LARP4: variants seen among roughly 807,000 people sequenced by gnomAD.
The protein encoded by LARP4 is La ribonucleoprotein 4, also known as la-related protein 4.
A neutral mutation model predicts 92.9 loss-of-function variants in LARP4; 29 were observed. That is an observed-to-expected ratio of 0.31 (90% confidence interval 0.23 to 0.43). The LOEUF (loss-of-function observed/expected upper bound fraction) is 0.43, where lower values mean the gene tolerates loss of function less well. Ranked by LOEUF, LARP4 falls within the 20% of genes least tolerant of loss-of-function variation. The probability of loss-of-function intolerance (pLI) is 1.00; values close to 1 mark genes in which losing one functional copy is unlikely to be tolerated. For missense variants in LARP4, 732 were observed against 860.0 expected (o/e 0.85, Z 1.86); for synonymous variants, 279 against 284.1 (o/e 0.98, Z 0.18).
At chr12:50,413,378 C>G (rs1322095748) in intron 1 of LARP4, among the ~76,000 whole-genome samples, 2 of 152,120 alleles carry the variant, frequency 1.3e-5, no homozygotes, top group Non-Finnish European at 2.9e-5. Context: ...TGTGTGGATA[C>G]TATCATACAC....
intron 8 of LARP4, among the ~76,000 whole-genome samples, chr12:50,451,752 G>T (rs766041012): frequency 3.3e-5 from 5 of 151,734 alleles, no homozygotes; most frequent in Non-Finnish European, 7.4e-5. Context: ...CAGGATAATT[G>T]CTAGAACCTA....
intron 8 of LARP4, among the ~76,000 whole-genome samples, chr12:50,448,385 AAC>A (rs370382722): frequency 3.3e-5 from 5 of 152,018 alleles, no homozygotes; most frequent in Middle Eastern, 3.4e-3. Flanking sequence ...ACCCAATTTT[AAC>A]AGTTAGTAGA....
intron 3 of LARP4, 115 bp downstream of exon 3, chr12:50,429,205 A>T: frequency 1.4e-6 from 1 of 719,690 alleles, no homozygotes; most frequent in Non-Finnish European, 2.3e-6. Flanking sequence ...ATTTGAAAAG[A>T]AGGTTACGTT....
chr12:50,426,435 A>G (rs1057242960), intron 1 of LARP4, among the ~76,000 whole-genome samples: 1 of 152,188 alleles, frequency 6.6e-6, no homozygotes, highest in Non-Finnish European at 1.5e-5. Flanking sequence ...GCTTCAAATC[A>G]GTGGCTACCA....
At chr12:50,455,942 C>T (rs1481473703) in intron 10 of LARP4, among the ~76,000 whole-genome samples, 6 of 152,094 alleles carry the variant, frequency 3.9e-5, no homozygotes, top group African/African-American at 9.7e-5. Flanking sequence ...GTCCCAACTA[C>T]TCAGGAGGCT....
At chr12:50,435,005 G>A (rs181492276) in intron 4 of LARP4, among the ~76,000 whole-genome samples, 16 of 152,302 alleles carry the variant, frequency 1.1e-4, no homozygotes, top group Middle Eastern at 3.4e-3. Context: ...TCGAGTTTGC[G>A]CCACTGCGCT....
chr12:50,433,640 CTTTT>C (rs111833032), intron 4 of LARP4, among the ~76,000 whole-genome samples: 3 of 137,944 alleles, frequency 2.2e-5, no homozygotes, highest in Non-Finnish European at 1.6e-5. Context: ...TAAGGAATAT[CTTTT>C]TTTTTTTTTT....
intron 12 of LARP4, among the ~76,000 whole-genome samples, chr12:50,464,463 C>T (rs1955874310): frequency 6.6e-6 from 1 of 152,244 alleles, no homozygotes; most frequent in Non-Finnish European, 1.5e-5. Flanking sequence ...ACAATCTCAG[C>T]TCACTGCAAC....
chr12:50,437,450 T>G (rs536344083), intron 5 of LARP4, among the ~76,000 whole-genome samples: 48 of 152,194 alleles, frequency 3.2e-4, no homozygotes, highest in African/African-American at 1.2e-3. Flanking sequence ...AAATTTGCCT[T>G]ATTAGATATA....
intron 10 of LARP4, among the ~76,000 whole-genome samples, chr12:50,455,762 G>T (rs1954113091): frequency 6.6e-6 from 1 of 152,132 alleles, no homozygotes. Context: ...AGCAATTGAA[G>T]ATCATTTTCA....
intron 1 of LARP4, among the ~76,000 whole-genome samples, chr12:50,426,684 G>GCT (rs1555232613): frequency 1.2e-5 from 1 of 86,176 alleles, no homozygotes; most frequent in African/African-American, 5.0e-5. Flanking sequence ...TTATGTTTGG[G>GCT]GTGTGTGTGT....
chr12:50,463,086 G>A (rs1314123549), intron 12 of LARP4, among the ~76,000 whole-genome samples: 2 of 151,844 alleles, frequency 1.3e-5, no homozygotes, highest in African/African-American at 4.8e-5. Context: ...GAAGTGCAGT[G>A]GTACAATCAT....
chr12:50,469,833 C>T (rs954907282), intron 13 of LARP4, among the ~76,000 whole-genome samples: 1 of 151,852 alleles, frequency 6.6e-6, no homozygotes, highest in Admixed American at 6.6e-5. Context: ...CGCTTGAACC[C>T]GGGAGGTGGA....
chr12:50,401,223 T>A (rs1592660432), intron 1 of LARP4, 195 bp downstream of exon 1: 2 of 673,550 alleles, frequency 3.0e-6, no homozygotes, highest in Non-Finnish European at 5.3e-6. Context: ...CTATGGGAGG[T>A]GAGGCCCGTA....
chr12:50,430,766 T>G (rs1949533719), intron 4 of LARP4, among the ~76,000 whole-genome samples, 196 bp downstream of exon 4: 1 of 152,082 alleles, frequency 6.6e-6, no homozygotes, highest in South Asian at 2.1e-4. Flanking sequence ...GTTCAAGAGA[T>G]TCTTGTGCCT....
chr12:50,416,447 C>T (rs1250640226), intron 1 of LARP4: 1 of 152,126 alleles, frequency 6.6e-6, no homozygotes, highest in Non-Finnish European at 1.5e-5. Flanking sequence ...GGGTGAATCA[C>T]TTAAGCTTGT....
chr12:50,441,877 C>T (rs532815813), intron 8 of LARP4, among the ~76,000 whole-genome samples: 5 of 152,248 alleles, frequency 3.3e-5, no homozygotes, highest in African/African-American at 9.6e-5. Flanking sequence ...GATGAAACCC[C>T]ATCTCTACTA....
At chr12:50,415,886 T>G (rs1339374543) in intron 1 of LARP4, 1 of 151,896 alleles carries the variant, frequency 6.6e-6, no homozygotes, top group Non-Finnish European at 1.5e-5. Flanking sequence ...TTTTTTTTTT[T>G]GGTAGTGATG....
At chr12:50,448,463 A>T (rs1473822705) in intron 8 of LARP4, among the ~76,000 whole-genome samples, 3 of 152,136 alleles carry the variant, frequency 2.0e-5, no homozygotes, top group South Asian at 2.1e-4. Context: ...TCTTGAAGCA[A>T]ATTTCAACCT....
Sources: allele counts gnomAD v4.1 joint callset (sites outside exome capture counted in the v4.1 genomes callset), GRCh38; gene constraint gnomAD v4.1.1; transcripts MANE v1.5; gene names NCBI Gene and HGNC (gene_info 2026-07-23, HGNC 2026-07-21).